TTLL5: variants seen among roughly 807,000 people sequenced by gnomAD.
TTLL5 encodes tubulin polyglutamylase TTLL5.
In TTLL5, 132 loss-of-function variants were observed where a neutral mutation model predicts 168.4. The observed-to-expected ratio is 0.78, with a 90% CI of 0.68 to 0.91. The LOEUF is 0.91. Among genes scored for constraint, TTLL5 ranks in the 40% least tolerant of loss-of-function variants. The pLI is 0.00. For synonymous variants in TTLL5, 546 were observed against 558.6 expected, an observed-to-expected ratio of 0.98 and a Z score of 0.32; for missense variants, 1,545 against 1,581.5, an observed-to-expected ratio of 0.98 and a Z score of 0.39.
intron 28 of TTLL5, among the ~76,000 whole-genome samples, chr14:75,859,270 T>C (rs1479511732): frequency 6.6e-6 from 1 of 152,232 alleles, no homozygotes; most frequent in Non-Finnish European, 1.5e-5. Flanking sequence ...CTTCAATGTT[T>C]ATTGGCTGGA....
At chr14:75,669,592 A>G (rs1170586064) in intron 3 of TTLL5, 70 bp downstream of exon 3, 1 of 1,324,086 alleles carries the variant, frequency 7.6e-7, no homozygotes, top group Non-Finnish European at 1.0e-6. Context: ...AAAGAAGTTG[A>G]TATGACATAT....
intron 18 of TTLL5, among the ~76,000 whole-genome samples, chr14:75,756,632 C>T (rs766270253): frequency 6.6e-6 from 1 of 151,804 alleles, no homozygotes. Context: ...CTCAGCCTCC[C>T]GAGCAGCTGG....
rs778792332 is a variant in TTLL5, at chr14:75,874,933, C to CCTTTTTTTTTTTTTTTTTTTTTTT, written c.3523-7752_3523-7751insCTTTTTTTTTTTTTTTTTTTTTTT. Among the ~76,000 whole-genome samples the CCTTTTTTTTTTTTTTTTTTTTTTT allele has an allele frequency of 4.8e-4, 47 of 97,534 alleles. 14 individuals carry two copies. Among genetic ancestry groups the CCTTTTTTTTTTTTTTTTTTTTTTT allele is most frequent in the African/African-American group, 1.9e-3 (39 of 20,370 alleles). The allele number at this position is 97,534 out of a possible 152,430, so 64.0% of individuals were successfully genotyped here. On this transcript the variant is annotated intron_variant, in intron 29 of 31. Coordinates refer to ENST00000298832, the MANE Select transcript of TTLL5 (RefSeq NM_015072.5). ...AGAGAAAAAAAAAGACACTGGGGGC[C>CCTTTTTTTTTTTTTTTTTTTTTTT]TTTTTTTTTTTTTTTTTTGAGACGG...
At chr14:75,715,359 G>A (rs1887368348) in intron 9 of TTLL5, among the ~76,000 whole-genome samples, 2 of 143,770 alleles carry the variant, frequency 1.4e-5, no homozygotes. Flanking sequence ...ATTTTTATAT[G>A]TTGTTCAGGT....
chr14:75,679,453 C>T (rs1039636879), intron 3 of TTLL5, among the ~76,000 whole-genome samples: 11 of 152,174 alleles, frequency 7.2e-5, no homozygotes, highest in Non-Finnish European at 1.3e-4. Flanking sequence ...GACCTGTGTT[C>T]GACTTCTGAT....
intron 15 of TTLL5, among the ~76,000 whole-genome samples, chr14:75,743,575 CTTTTTTTTTTTTTTTT>C (rs33959405): frequency 1.6e-5 from 1 of 63,098 alleles, no homozygotes; most frequent in Non-Finnish European, 2.6e-5. Flanking sequence ...TGGCATCGCT[CTTTTTTTTTTTTTTTT>C]TTTTTTTTGA....
intron 31 of TTLL5, among the ~76,000 whole-genome samples, chr14:75,931,194 T>C (rs1224758123): frequency 6.6e-6 from 1 of 152,060 alleles, no homozygotes; most frequent in East Asian, 1.9e-4. Flanking sequence ...TGCTCACACG[T>C]CTCTTTGGAT....
At chr14:75,794,617 G>A (rs775176528) in intron 27 of TTLL5, among the ~76,000 whole-genome samples, 8 of 152,024 alleles carry the variant, frequency 5.3e-5, no homozygotes, top group Non-Finnish European at 7.4e-5. Context: ...CATTTTTTTC[G>A]TCTATAAAGA....
intron 6 of TTLL5, among the ~76,000 whole-genome samples, chr14:75,693,327 G>A (rs958946839): frequency 6.6e-6 from 1 of 152,182 alleles, no homozygotes; most frequent in Non-Finnish European, 1.5e-5. Context: ...CAGGGCCTTT[G>A]AAAGAGAACT....
chr14:75,951,098 C>T (rs1156934238), intron 31 of TTLL5, among the ~76,000 whole-genome samples: 1 of 152,132 alleles, frequency 6.6e-6, no homozygotes, highest in African/African-American at 2.4e-5. Flanking sequence ...AAACCCAGCA[C>T]TTTGGCAGGC....
At chr14:75,734,082 C>A in intron 14 of TTLL5, 32 bp downstream of exon 14, 1 of 1,606,248 alleles carries the variant, frequency 6.2e-7, no homozygotes, top group Non-Finnish European at 8.5e-7. Flanking sequence ...ACTGGACTCA[C>A]ATAAAAATTA....
intron 10 of TTLL5, among the ~76,000 whole-genome samples, chr14:75,719,052 A>T (rs147324295): frequency 6.6e-6 from 1 of 152,308 alleles, no homozygotes; most frequent in African/African-American, 2.4e-5. Context: ...GTGAGGGGAC[A>T]GCTGCAAAAC....
intron 27 of TTLL5, among the ~76,000 whole-genome samples, chr14:75,804,252 A>G (rs543838404): frequency 2.0e-4 from 31 of 152,344 alleles, no homozygotes; most frequent in Non-Finnish European, 2.1e-4. Flanking sequence ...GCCTGGTCCT[A>G]GAGAAAGATA....
intron 31 of TTLL5, among the ~76,000 whole-genome samples, chr14:75,929,162 A>T (rs140910919): frequency 6.6e-6 from 1 of 152,330 alleles, no homozygotes; most frequent in Admixed American, 6.5e-5. Context: ...TGAAGTGTTT[A>T]GAATAAAACT....
At chr14:75,686,513 G>T (rs533605715) in intron 5 of TTLL5, among the ~76,000 whole-genome samples, 1 of 152,304 alleles carries the variant, frequency 6.6e-6, no homozygotes, top group African/African-American at 2.4e-5. Flanking sequence ...TACATGAGAG[G>T]TTGGGCAGTT....
At chr14:75,738,274 C>A (rs1889032926) in intron 15 of TTLL5, among the ~76,000 whole-genome samples, 1 of 152,108 alleles carries the variant, frequency 6.6e-6, no homozygotes, top group Non-Finnish European at 1.5e-5. Context: ...GGGTCCTGTG[C>A]CTGCTATTTG....
intron 29 of TTLL5, among the ~76,000 whole-genome samples, chr14:75,865,615 G>A (rs946768478): frequency 2.6e-5 from 4 of 152,126 alleles, no homozygotes; most frequent in African/African-American, 9.7e-5. Context: ...AATGGAGGAT[G>A]ACTGGGGAAG....
At chr14:75,869,821 A>ATTTTTTTTTTTTT (rs10658095) in intron 29 of TTLL5, among the ~76,000 whole-genome samples, 42,715 of 81,148 alleles carry the variant, frequency 0.53, 16,572 homozygotes, top group Non-Finnish European at 0.61. Flanking sequence ...TTCAACAAGT[A>ATTTTTTTTTTTTT]TTTTTTTTTT....
In TTLL5 at chr14:75,717,750, T is replaced by A. The variant is rs1887567853; in HGVS notation, c.741-111T>A. 6 of 956,584 alleles carry A rather than the reference T, an allele frequency of 6.3e-6. No individual in the cohort carries two copies. In the South Asian group the frequency reaches 9.4e-5, roughly 15 times the overall value. The allele number at this position is 956,584 out of a possible 1,614,324, so 59.3% of individuals were successfully genotyped here. A position where few individuals can be genotyped will look rare whatever the true frequency, so the allele number is the denominator to read the frequency against. ...TAGCACTTAGTAGGCACTTGGTATT[T>A]GTTAGGTAATGATATTACCCTCCTT... On this transcript the variant is annotated intron_variant, in intron 9 of 31. Coordinates refer to ENST00000298832, the MANE Select transcript of TTLL5 (RefSeq NM_015072.5).
Sources: gnomAD v4.1 joint callset for allele counts (sites outside exome capture counted in the v4.1 genomes callset) on GRCh38, gnomAD v4.1.1 for gene constraint, MANE v1.5 for transcripts, NCBI Gene and HGNC (gene_info 2026-07-23, HGNC 2026-07-21) for gene names.